The following ZFR variants were observed in gnomAD, a reference collection of about 807,000 sequenced individuals.
ZFR encodes zinc finger RNA binding protein.
ZFR carries 19 observed loss-of-function variants against 130.7 expected under a neutral mutation model. The observed-to-expected ratio is 0.15, with a 90% CI of 0.10 to 0.21. ZFR has a LOEUF of 0.21. Ranked by LOEUF, ZFR falls within the 10% of genes least tolerant of loss-of-function variation. The probability of loss-of-function intolerance (pLI) is 1.00; values close to 1 mark genes in which losing one functional copy is unlikely to be tolerated. For missense variants in ZFR, 872 were observed against 1,321.5 expected (o/e 0.66, Z 5.27); for synonymous variants, 466 against 456.9 (o/e 1.02, Z -0.25).
At position 32,366,957 on chromosome 5, in the gene ZFR, T is replaced by A. The variant is rs143308903; in HGVS notation, c.2836-2682A>T. Among the ~76,000 whole-genome samples the A allele has an allele frequency of 3.9e-4, 59 of 151,720 alleles. No individual in the cohort carries two copies. The South Asian group carries it at 9.6e-3, about 25-fold the overall frequency. On this transcript the variant is annotated intron_variant, in intron 17 of 19. Transcript: ENST00000265069. ...GTGCAGTAGTTATTCGCAGGCACGA[T>A]CATAGCACACTGCAGCCGAGCTTGA...
intron 2 of ZFR, among the ~76,000 whole-genome samples, chr5:32,434,492 A>G (rs1401797240): frequency 6.6e-6 from 1 of 152,246 alleles, no homozygotes; most frequent in Non-Finnish European, 1.5e-5. Context: ...CTATGAAGTT[A>G]GTGTCTCTAC....
chr5:32,386,183 A>G (rs1753042108), intron 14 of ZFR, among the ~76,000 whole-genome samples: 1 of 152,126 alleles, frequency 6.6e-6, no homozygotes, highest in South Asian at 2.1e-4. Context: ...TATTTCCAGT[A>G]TAGTATCTAG....
chr5:32,385,801 A>G (rs1453192123), intron 14 of ZFR, 152 bp from the exon 15 acceptor site: 4 of 679,756 alleles, frequency 5.9e-6, no homozygotes, highest in Non-Finnish European at 9.5e-6. Context: ...CCTGCCGTAC[A>G]TGCCAGTATT....
At chr5:32,395,684 C>G (rs1215798690) in intron 10 of ZFR, among the ~76,000 whole-genome samples, 1 of 152,176 alleles carries the variant, frequency 6.6e-6, no homozygotes, top group East Asian at 1.9e-4. Flanking sequence ...AACCCCTCCT[C>G]TTCTTCCTCA....
chr5:32,357,174 G>C (rs112459297), intron 19 of ZFR, among the ~76,000 whole-genome samples: 2,992 of 151,716 alleles, frequency 0.02, 93 homozygotes, highest in African/African-American at 0.069. Flanking sequence ...GTAGAGACGG[G>C]GTATTTTCGC....
rs1222964564 is a variant in ZFR at position 32,390,440 on chromosome 5, G to C, written c.1980-3C>G. On this transcript the variant is annotated splice_region_variant and splice_polypyrimidine_tract_variant and intron_variant, in intron 11 of 19. Coordinates refer to ENST00000265069, the MANE Select transcript of ZFR (RefSeq NM_016107.5). Reference sequence around the variant, plus strand: ...AGTACATGTCCTCTTCATAACGTCTGAAACATAAAGAATGACATTATAAGC... The same window carrying C: ...AGTACATGTCCTCTTCATAACGTCTCAAACATAAAGAATGACATTATAAGC... 2 of 1,609,840 alleles carry C rather than the reference G, an allele frequency of 1.2e-6. No homozygotes were observed.
chr5:32,441,828 C>CA (rs1754482103), intron 2 of ZFR, among the ~76,000 whole-genome samples: 3 of 152,116 alleles, frequency 2.0e-5, no homozygotes, highest in African/African-American at 7.2e-5. Flanking sequence ...GCCTTATGTA[C>CA]AAGAGTGCCT....
chr5:32,418,272 G>GAA (rs1289438599), intron 3 of ZFR, among the ~76,000 whole-genome samples: 1 of 97,226 alleles, frequency 1.0e-5, no homozygotes, highest in African/African-American at 3.9e-5. Context: ...AAAAAAAAAA[G>GAA]AAAAAAAAAA....
chr5:32,393,686 A>G (rs772574025), intron 11 of ZFR, among the ~76,000 whole-genome samples: 8 of 152,184 alleles, frequency 5.3e-5, no homozygotes, highest in Non-Finnish European at 1.0e-4. Flanking sequence ...TATAACCCAC[A>G]TAAGGACTCT....
rs1554073133 is a variant in ZFR at position 32,408,326 on chromosome 5, A to AC, written c.785-1306_785-1305insG. 4.9e-5 allele frequency among the ~76,000 whole-genome samples: 5 copies of AC among 101,374 alleles called. No homozygotes were observed. In the South Asian group the frequency reaches 1.5e-3, roughly 30 times the overall value. 66.5% of individuals were successfully genotyped at this position (101,374 alleles called of 152,430 possible). On this transcript the variant is annotated intron_variant, in intron 5 of 19. Transcript: ENST00000265069. ...TGAACGTTTGATTAAAAAAAAAAAAAAAAAAAAAAAACTAGAAGAACTATT... is the reference window on the plus strand; with the variant it reads ...TGAACGTTTGATTAAAAAAAAAAAAACAAAAAAAAAAACTAGAAGAACTATT...
intron 2 of ZFR, among the ~76,000 whole-genome samples, chr5:32,430,771 A>G (rs1390084364): frequency 2.6e-5 from 4 of 151,904 alleles, no homozygotes; most frequent in Non-Finnish European, 4.4e-5. Context: ...TAAGATGAAG[A>G]AAAAAAACCC....
At chr5:32,384,022 G>C (rs1451269542) in intron 15 of ZFR, among the ~76,000 whole-genome samples, 1 of 152,124 alleles carries the variant, frequency 6.6e-6, no homozygotes, top group Non-Finnish European at 1.5e-5. Flanking sequence ...GAAGGGATAG[G>C]TTATCAAATA....
intron 17 of ZFR, among the ~76,000 whole-genome samples, chr5:32,370,347 GAGAGAGACAGAC>G (rs1457392856): frequency 6.1e-3 from 8 of 1,312 alleles, no homozygotes; most frequent in African/African-American, 0.042. Flanking sequence ...GAGAGAGAGA[GAGAGAGACAGAC>G]AGACAGACAG....
chr5:32,385,890 T>G (rs1238510559), intron 14 of ZFR, among the ~76,000 whole-genome samples: 1 of 152,100 alleles, frequency 6.6e-6, no homozygotes, highest in Non-Finnish European at 1.5e-5. Flanking sequence ...TATTTGTACA[T>G]AGGTCTATCT....
At chr5:32,379,394 A>C in intron 16 of ZFR, 184 bp from the exon 17 acceptor site, 1 of 639,844 alleles carries the variant, frequency 1.6e-6, no homozygotes, top group Non-Finnish European at 2.8e-6. Context: ...TTAGTATTTA[A>C]AAGCTGGTAT....
intron 2 of ZFR, among the ~76,000 whole-genome samples, chr5:32,421,778 G>T (rs563516333): frequency 1.3e-5 from 2 of 152,168 alleles, no homozygotes; most frequent in African/African-American, 4.8e-5. Flanking sequence ...ATTTCTATCT[G>T]GATGAGGTTT....
At chr5:32,380,550 T>C in intron 15 of ZFR, 1 of 159,044 alleles carries the variant, frequency 6.3e-6, no homozygotes, top group Non-Finnish European at 1.4e-5. Context: ...TGGTCGTAAG[T>C]TATTCTGGAG....
intron 11 of ZFR, among the ~76,000 whole-genome samples, chr5:32,391,981 C>T (rs565084952): frequency 6.6e-6 from 1 of 152,294 alleles, no homozygotes; most frequent in Admixed American, 6.5e-5. Flanking sequence ...TGATTGCCCG[C>T]CTTGGCCTCC....
chr5:32,377,459 C>T (rs1198889074), intron 17 of ZFR, among the ~76,000 whole-genome samples: 1 of 151,622 alleles, frequency 6.6e-6, no homozygotes, highest in African/African-American at 2.4e-5. Flanking sequence ...GAATTACAGG[C>T]GTGAGCCACC....
Sources: allele counts gnomAD v4.1 joint callset (sites outside exome capture counted in the v4.1 genomes callset), GRCh38; gene constraint gnomAD v4.1.1; transcripts MANE v1.5; gene names NCBI Gene and HGNC (gene_info 2026-07-23, HGNC 2026-07-21).